ZNF423: variants seen among roughly 807,000 people sequenced by gnomAD.
The protein encoded by ZNF423 is Ebf-associated zinc finger protein.
Under a neutral mutation model 95.8 loss-of-function variants are expected in ZNF423, and 12 were observed. The ratio of observed to expected loss-of-function variants is 0.13; its 90% CI spans 0.08 to 0.20. The LOEUF is 0.20. Among genes scored for constraint, ZNF423 ranks in the 10% least tolerant of loss-of-function variants. The pLI is 1.00. For missense variants in ZNF423, 1,316 were observed against 1,737.1 expected, an observed-to-expected ratio of 0.76 and a Z score of 4.31; for synonymous variants, 749 against 711.9, an observed-to-expected ratio of 1.05 and a Z score of -0.83.
intron 5 of ZNF423, among the ~76,000 whole-genome samples, chr16:49,550,810 G>A (rs1457353376): frequency 6.6e-6 from 1 of 152,246 alleles, no homozygotes; most frequent in Admixed American, 6.5e-5. Flanking sequence ...GTCTAGCTCT[G>A]AGGGCTGCTT....
intron 3 of ZNF423, among the ~76,000 whole-genome samples, chr16:49,725,505 G>A (rs192804260): frequency 9.2e-5 from 14 of 152,284 alleles, no homozygotes; most frequent in African/African-American, 1.4e-4. Flanking sequence ...CTACTCTAGC[G>A]CTGGGCTAGA....
intron 3 of ZNF423, among the ~76,000 whole-genome samples, chr16:49,687,198 G>C (rs1172615968): frequency 5.9e-5 from 9 of 152,000 alleles, no homozygotes; most frequent in African/African-American, 1.9e-4. Context: ...GCGCCACCAA[G>C]AGACCCCTGG....
In ZNF423 at chr16:49,789,538, C is replaced by T. The variant is rs377498042; in HGVS notation, c.49G>A (p.Gly17Arg). 9.3e-6 allele frequency: 15 copies of T among 1,611,936 alleles called. No homozygotes were observed. In the Middle Eastern group the frequency reaches 5.0e-4, roughly 53 times the overall value. The part of the protein sequence containing the change: ...AKPRSVKVEE[G>R]EASDFSLAWD... ...GCCAGCGAGAAGTCTGAGGCCTCCC[C>T]CTCTTCAACTGAAAGAGAGAACAGA... Residue 17 changes from glycine (G) to arginine (R), a missense_variant, in exon 2 of 8, where the codon GGG (glycine) becomes AGG (arginine). By Grantham distance (125) the Gly-to-Arg change is moderately radical (BLOSUM62 -2). Around this residue, in one of 6 missense-constraint regions of ZNF423, gnomAD observed 155 missense variants for 170.8 expected, o/e 0.91. Coordinates refer to ENST00000563137, the MANE Select transcript of ZNF423 (RefSeq NM_001379286.1).
chr16:49,541,520 T>C (rs1328723305), intron 5 of ZNF423, among the ~76,000 whole-genome samples: 1 of 152,244 alleles, frequency 6.6e-6, no homozygotes, highest in Non-Finnish European at 1.5e-5. Context: ...ATTAAGGTGT[T>C]AGAGGGTCAT....
At position 49,636,361 on chromosome 16, in the gene ZNF423, T is replaced by C; in HGVS notation, c.2815A>G (p.Lys939Glu). The change falls in exon 4 of 8, where the codon AAG (lysine) becomes GAG (glutamate). Residue 939 changes from lysine (K) to glutamate (E), a missense_variant. Lys to Glu is a moderately conservative substitution (Grantham distance 56). Coordinates refer to ENST00000563137, the MANE Select transcript of ZNF423 (RefSeq NM_001379286.1). The surrounding 1 kb of genome is among the most constrained non-coding windows in gnomAD (Gnocchi z 8.6). Reference sequence around the variant, plus strand: ...AAAGTCCGTGAACAAACGTTGCACTTGTGACTGCCCTTGATAAACTCAGCC... The same window carrying C: ...AAAGTCCGTGAACAAACGTTGCACTCGTGACTGCCCTTGATAAACTCAGCC... ...KKAEFIKGSHKCNVCSRTFFS... is the reference protein window; with the variant it reads ...KKAEFIKGSHECNVCSRTFFS... The C allele has an allele frequency of 2.5e-6, 4 of 1,612,930 alleles. No homozygotes were observed. Among genetic ancestry groups the C allele is most frequent in the South Asian group, 1.1e-5 (1 of 91,072 alleles).
In ZNF423 at chr16:49,676,808, G is replaced by A. The variant is rs184004209; in HGVS notation, c.302-37934C>T. ...AAGCTGTCTACAGAGAGCAAAGGAC[G>A]TGAGAAGGAGGGTTTAGAAAGGAGT... On this transcript the variant is annotated intron_variant, in intron 3 of 7. Coordinates refer to ENST00000563137, the MANE Select transcript of ZNF423 (RefSeq NM_001379286.1). 1.6e-4 allele frequency among the ~76,000 whole-genome samples: 25 copies of A among 152,348 alleles called. 1 individual carries two copies. Among genetic ancestry groups the A allele is most frequent in the Admixed American group, 3.3e-4 (5 of 15,312 alleles).
intron 5 of ZNF423, among the ~76,000 whole-genome samples, chr16:49,593,266 C>T (rs1186446809): frequency 6.6e-6 from 1 of 151,968 alleles, no homozygotes; most frequent in Admixed American, 6.6e-5. Context: ...GATCCTGTCT[C>T]TACAAAAAAA....
At chr16:49,517,544 A>G (rs1968199140) in intron 7 of ZNF423, among the ~76,000 whole-genome samples, 1 of 152,082 alleles carries the variant, frequency 6.6e-6, no homozygotes, top group Admixed American at 6.5e-5. Flanking sequence ...GGGCAGGTGT[A>G]TATGTGGGTG....
rs182290922 is a variant in ZNF423 at position 49,755,657 on chromosome 16, C to A, written c.101-24686G>T. The stretch of plus-strand genomic sequence containing the variant: ...AGCTATCGGGAAGCTTTCTCATTAA[C>A]CCTCGTTTACAGGGTGTGTGCTCTT... On this transcript the variant is annotated intron_variant, in intron 2 of 7. Coordinates refer to ENST00000563137, the MANE Select transcript of ZNF423 (RefSeq NM_001379286.1). Among the ~76,000 whole-genome samples the A allele has an allele frequency of 5.3e-5, 8 of 152,286 alleles. No individual in the cohort carries two copies. In the East Asian group the frequency reaches 1.4e-3, roughly 26 times the overall value.
intron 3 of ZNF423, among the ~76,000 whole-genome samples, chr16:49,721,141 C>T (rs1404170465): frequency 1.3e-5 from 2 of 152,156 alleles, no homozygotes; most frequent in South Asian, 2.1e-4. Flanking sequence ...TTGAGGCCAG[C>T]CTTACATCTG....
intron 3 of ZNF423, among the ~76,000 whole-genome samples, chr16:49,643,561 C>T (rs138117780): frequency 1.4e-4 from 18 of 128,282 alleles, no homozygotes; most frequent in African/African-American, 4.9e-4. Context: ...ACCCCCCACC[C>T]CCCACTTTGG....
At chr16:49,681,331 C>G (rs1170759659) in intron 3 of ZNF423, among the ~76,000 whole-genome samples, 1 of 152,300 alleles carries the variant, frequency 6.6e-6, no homozygotes, top group South Asian at 2.1e-4. Flanking sequence ...GTCTAAATAA[C>G]AAAATGAAAC....
At position 49,855,212 on chromosome 16, in the gene ZNF423, C is replaced by G. The variant is rs533260702; in HGVS notation, c.40+523G>C. Among the ~76,000 whole-genome samples, 1 of 130,630 alleles carries G rather than the reference C, an allele frequency of 7.7e-6. No homozygotes were observed. Among genetic ancestry groups the G allele is most frequent in the Non-Finnish European group, 1.8e-5 (1 of 57,048 alleles). 85.7% of individuals were successfully genotyped at this position (130,630 alleles called of 152,430 possible). ...CTCGCCGACAGCGCCCGCCGCTCCC[C>G]GCGTCCTCGGGCGACCAGGCAGGGG... On this transcript the variant is annotated intron_variant, in intron 1 of 7. Coordinates refer to ENST00000563137, the MANE Select transcript of ZNF423 (RefSeq NM_001379286.1). The surrounding 1 kb of genome is among the most constrained non-coding windows in gnomAD (Gnocchi z 4.7).
At chr16:49,517,560 A>G (rs1437974955) in intron 7 of ZNF423, among the ~76,000 whole-genome samples, 1 of 152,166 alleles carries the variant, frequency 6.6e-6, no homozygotes, top group Non-Finnish European at 1.5e-5. Flanking sequence ...GGGTGAGGGT[A>G]CAGGTATATG....
intron 5 of ZNF423, among the ~76,000 whole-genome samples, chr16:49,563,885 C>T (rs1970096879): frequency 6.6e-6 from 1 of 152,240 alleles, no homozygotes; most frequent in African/African-American, 2.4e-5. Flanking sequence ...TCAAGAGCCT[C>T]CAATCATGCC....
intron 3 of ZNF423, among the ~76,000 whole-genome samples, chr16:49,661,538 G>A (rs1009412848): frequency 2.6e-5 from 4 of 152,188 alleles, no homozygotes; most frequent in African/African-American, 4.8e-5. Flanking sequence ...ACAAGTCGGT[G>A]TCACCTCCTT....
chr16:49,815,908 ATATATATTTTTT>A (rs1348503516), intron 1 of ZNF423, among the ~76,000 whole-genome samples: 3 of 41,270 alleles, frequency 7.3e-5, no homozygotes, highest in African/African-American at 1.0e-4. Flanking sequence ...ATATATATAT[ATATATATTTTTT>A]TTTTTTTTTT....
intron 5 of ZNF423, among the ~76,000 whole-genome samples, chr16:49,568,640 C>A (rs902096341): frequency 1.4e-4 from 22 of 152,096 alleles, no homozygotes; most frequent in African/African-American, 5.3e-4. Flanking sequence ...ATTAGTACAT[C>A]GATGGTCTGA....
intron 2 of ZNF423, among the ~76,000 whole-genome samples, chr16:49,777,338 T>A (rs2034138396): frequency 6.6e-6 from 1 of 152,240 alleles, no homozygotes; most frequent in African/African-American, 2.4e-5. Flanking sequence ...AATGTCCATG[T>A]GCATTGTGTG....
Sources: allele counts gnomAD v4.1 joint callset (sites outside exome capture counted in the v4.1 genomes callset), GRCh38; gene constraint gnomAD v4.1.1; regional missense constraint gnomAD v4.1.1; non-coding constraint Gnocchi (gnomAD v3.1); transcripts MANE v1.5; gene names NCBI Gene and HGNC (gene_info 2026-07-23, HGNC 2026-07-21).